Variants in BANF2 observed in about 807,000 individuals in gnomAD.
The protein encoded by BANF2 is barrier-to-autointegration factor-like protein.
BANF2 carries 4 observed loss-of-function variants against 8.0 expected under a neutral mutation model. That is an observed-to-expected ratio of 0.50 (90% confidence interval 0.25 to 1.14). The LOEUF (loss-of-function observed/expected upper bound fraction) is 1.14. Ranked by LOEUF, BANF2 falls within the 50% of genes most tolerant of loss-of-function variation. The probability of loss-of-function intolerance (pLI) is 0.16; values close to 1 mark genes in which losing one functional copy is unlikely to be tolerated. For synonymous variants in BANF2, 50 were observed against 40.6 expected (o/e 1.23, Z -0.88); for missense variants, 96 against 107.5 (o/e 0.89, Z 0.47).
chr20:17,730,687 C>T (rs1156271281), intron 3 of BANF2, among the ~76,000 whole-genome samples: 2 of 152,194 alleles, frequency 1.3e-5, no homozygotes, highest in African/African-American at 2.4e-5. Flanking sequence ...ACCAGAAGGC[C>T]GCAGTGTGGC....
upstream of BANF2, among the ~76,000 whole-genome samples, chr20:17,697,866 T>C (rs1044244730): frequency 2.0e-5 from 3 of 152,194 alleles, no homozygotes; most frequent in African/African-American, 4.8e-5. Context: ...GTCTTGGTGC[T>C]GTACTCATGA....
intron 1 of BANF2, among the ~76,000 whole-genome samples, chr20:17,708,219 G>A (rs73266603): frequency 1.3e-5 from 2 of 151,844 alleles, no homozygotes; most frequent in Non-Finnish European, 2.9e-5. Flanking sequence ...AAAGTGATAT[G>A]TCTCGAACAA....
At chr20:17,701,619 A>T (rs1440238941) in intron 1 of BANF2, among the ~76,000 whole-genome samples, 1 of 152,144 alleles carries the variant, frequency 6.6e-6, no homozygotes, top group African/African-American at 2.4e-5. Context: ...CTGTTTCCAA[A>T]TCCAAGATTG....
At chr20:17,730,690 A>G (rs1600229327) in intron 3 of BANF2, among the ~76,000 whole-genome samples, 1 of 152,208 alleles carries the variant, frequency 6.6e-6, no homozygotes, top group East Asian at 1.9e-4. Flanking sequence ...AGAAGGCCGC[A>G]GTGTGGCCAG....
At chr20:17,701,375 T>C (rs2037406267) in intron 1 of BANF2, among the ~76,000 whole-genome samples, 1 of 152,196 alleles carries the variant, frequency 6.6e-6, no homozygotes, top group Non-Finnish European at 1.5e-5. Context: ...AGGTTCATTC[T>C]ACAGACATAG....
At chr20:17,732,936 C>T (rs1447570893) in intron 3 of BANF2, among the ~76,000 whole-genome samples, 1 of 152,180 alleles carries the variant, frequency 6.6e-6, no homozygotes, top group African/African-American at 2.4e-5. Flanking sequence ...TCCAGCTTCC[C>T]TGGGGAGCAG....
intron 3 of BANF2, among the ~76,000 whole-genome samples, chr20:17,733,940 C>T (rs2037939045): frequency 6.6e-6 from 1 of 152,136 alleles, no homozygotes; most frequent in South Asian, 2.1e-4. Context: ...AAACAGACAC[C>T]ATCAGGTTTT....
rs6034886 is a variant in BANF2, at chr20:17,708,719, G to C, written c.-167+8664G>C. On this transcript the variant is annotated intron_variant, in intron 1 of 3. Coordinates refer to ENST00000246090, the MANE Select transcript of BANF2 (RefSeq NM_178477.5). Reference sequence around the variant, plus strand: ...CAACCCGTGATTTGAACTTTTAATAGATGCTCAAAGGGTGGCTGATTTTAA... The same window carrying C: ...CAACCCGTGATTTGAACTTTTAATACATGCTCAAAGGGTGGCTGATTTTAA... Among the ~76,000 whole-genome samples, 1,251 of 152,172 alleles carry C rather than the reference G, an allele frequency of 8.2e-3. 14 individuals carry two copies. The highest frequency in any genetic ancestry group is 0.028 in the African/African-American group (1,175 of 41,500).
upstream of BANF2, among the ~76,000 whole-genome samples, chr20:17,696,190 A>G (rs2037345109): frequency 6.6e-6 from 1 of 152,076 alleles, no homozygotes; most frequent in Non-Finnish European, 1.5e-5. Context: ...TTTATTGTAG[A>G]GATAGGGTCT....
intron 3 of BANF2, among the ~76,000 whole-genome samples, chr20:17,727,233 A>G (rs1250938159): frequency 6.6e-6 from 1 of 151,830 alleles, no homozygotes; most frequent in African/African-American, 2.4e-5. Flanking sequence ...TGTGTCCATG[A>G]CCTCCTGGCC....
chr20:17,734,459 G>A (rs915430730), intron 3 of BANF2, among the ~76,000 whole-genome samples: 5 of 152,180 alleles, frequency 3.3e-5, no homozygotes, highest in African/African-American at 1.2e-4. Context: ...CATTAGGAAG[G>A]TGCAGAAACT....
intron 1 of BANF2, among the ~76,000 whole-genome samples, chr20:17,700,377 T>C (rs2037389251): frequency 6.6e-6 from 1 of 152,164 alleles, no homozygotes; most frequent in African/African-American, 2.4e-5. Flanking sequence ...GGCTTTCAGA[T>C]GGCAAATTCA....
At chr20:17,700,080 C>A in intron 1 of BANF2, 25 bp downstream of exon 1, 1 of 898,504 alleles carries the variant, frequency 1.1e-6, no homozygotes, top group Non-Finnish European at 1.3e-6. Flanking sequence ...CTTTCCCAAG[C>A]AGCATGGAAG....
intron 1 of BANF2, among the ~76,000 whole-genome samples, chr20:17,721,118 T>TCTTC (rs1262077591): frequency 5.3e-5 from 8 of 152,306 alleles, no homozygotes; most frequent in East Asian, 1.9e-4. Flanking sequence ...TCATTTCCTC[T>TCTTC]CTTCCTTCCT....
At chr20:17,698,656 C>T (rs1191519494), upstream of BANF2, among the ~76,000 whole-genome samples, 2 of 152,144 alleles carry the variant, frequency 1.3e-5, no homozygotes, top group Non-Finnish European at 2.9e-5. Flanking sequence ...CTGGCAAAAG[C>T]CCCCAAGCAA....
intron 1 of BANF2, among the ~76,000 whole-genome samples, chr20:17,717,486 A>G (rs2037671435): frequency 6.6e-6 from 1 of 152,156 alleles, no homozygotes; most frequent in Admixed American, 6.5e-5. Flanking sequence ...CAGAAAATGA[A>G]GGCACCGAGC....
intron 1 of BANF2, among the ~76,000 whole-genome samples, chr20:17,716,858 A>AAAG (rs2037661769): frequency 6.7e-6 from 1 of 149,800 alleles, no homozygotes; most frequent in South Asian, 2.1e-4. Context: ...AAAAAAAAAA[A>AAAG]AAAGAAAGAA....
intron 1 of BANF2, among the ~76,000 whole-genome samples, chr20:17,722,387 A>T (rs1242389912): frequency 2.0e-5 from 3 of 152,136 alleles, no homozygotes; most frequent in Non-Finnish European, 2.9e-5. Flanking sequence ...AGTGAATGGA[A>T]TTTTCCCTCA....
At chr20:17,725,443 G>T (rs1005428493) in intron 3 of BANF2, among the ~76,000 whole-genome samples, 69 of 152,220 alleles carry the variant, frequency 4.5e-4, no homozygotes, top group African/African-American at 1.6e-3. Flanking sequence ...TAGGTCAGCC[G>T]CCGGGGTCTG....
Sources: allele counts gnomAD v4.1 joint callset (sites outside exome capture counted in the v4.1 genomes callset), GRCh38; gene constraint gnomAD v4.1.1; transcripts MANE v1.5; gene names NCBI Gene and HGNC (gene_info 2026-07-23, HGNC 2026-07-21).